QTMAN: variants seen among roughly 807,000 people sequenced by gnomAD.
QTMAN encodes the protein queuosine-tRNA mannosyltransferase.
At chr2:144,031,771 T>C in the QTMAN span, among the ~76,000 whole-genome samples, 1 of 152,174 alleles carries the variant, frequency 6.6e-6, no homozygotes, top group African/African-American at 2.4e-5. Flanking sequence ...TCTTCTTTTT[T>C]TCTTGAGACA....
At chr2:144,254,670 C>G in the QTMAN span, among the ~76,000 whole-genome samples, 1 of 152,086 alleles carries the variant, frequency 6.6e-6, no homozygotes, top group African/African-American at 2.4e-5. Context: ...AGACCCCACC[C>G]CAAAATGGGA....
chr2:144,237,633 T>A, the QTMAN span, among the ~76,000 whole-genome samples: 1 of 152,164 alleles, frequency 6.6e-6, no homozygotes. Context: ...CTTCCACAGA[T>A]AAATCCGATC....
At chr2:144,113,709 A>C in the QTMAN span, among the ~76,000 whole-genome samples, 1 of 152,254 alleles carries the variant, frequency 6.6e-6, no homozygotes, top group African/African-American at 2.4e-5. Flanking sequence ...AAGCAGGCAG[A>C]GACAAGATTT....
At chr2:144,186,316 T>C in the QTMAN span, among the ~76,000 whole-genome samples, 1 of 152,138 alleles carries the variant, frequency 6.6e-6, no homozygotes, top group African/African-American at 2.4e-5. Flanking sequence ...GAAACAGATA[T>C]AAAAATCAGG....
At chr2:144,133,265 A>T in the QTMAN span, among the ~76,000 whole-genome samples, 1 of 68,940 alleles carries the variant, frequency 1.5e-5, no homozygotes, top group African/African-American at 6.2e-5. Context: ...AAATATATAT[A>T]AATATATATT....
the QTMAN span, chr2:143,970,627 C>T: frequency 9.0e-7 from 1 of 1,109,808 alleles, no homozygotes; most frequent in Admixed American, 1.7e-5. Flanking sequence ...TATAAAAATA[C>T]ACATTAGAAA....
At chr2:144,046,246 G>GT in the QTMAN span, among the ~76,000 whole-genome samples, 1 of 152,212 alleles carries the variant, frequency 6.6e-6, no homozygotes, top group Non-Finnish European at 1.5e-5. Context: ...AAAAGGCCAC[G>GT]TTAATTTTAC....
the QTMAN span, among the ~76,000 whole-genome samples, chr2:144,214,326 A>T: frequency 1.3e-5 from 2 of 152,212 alleles, no homozygotes; most frequent in Non-Finnish European, 2.9e-5. Flanking sequence ...ACCTGAATAT[A>T]ACCTCTAAAA....
At chr2:144,313,744 CAT>C in the QTMAN span, among the ~76,000 whole-genome samples, 7 of 150,832 alleles carry the variant, frequency 4.6e-5, no homozygotes, top group Non-Finnish European at 8.9e-5. Context: ...TCAATAATTT[CAT>C]ATATACTTAA....
the QTMAN span, chr2:143,947,194 T>C: frequency 1.1e-5 from 14 of 1,234,476 alleles, no homozygotes; most frequent in Admixed American, 7.1e-5. Context: ...GACTAAAAGA[T>C]GAAAGTATGC....
chr2:144,205,986 T>C, the QTMAN span, among the ~76,000 whole-genome samples: 3 of 152,224 alleles, frequency 2.0e-5, no homozygotes, highest in African/African-American at 7.2e-5. Flanking sequence ...ATAATAAAAC[T>C]AAACAGCTCT....
the QTMAN span, among the ~76,000 whole-genome samples, chr2:144,248,606 A>G: frequency 6.6e-6 from 1 of 152,190 alleles, no homozygotes; most frequent in African/African-American, 2.4e-5. Flanking sequence ...CTGTTCTTGC[A>G]TCTGACTTAC....
the QTMAN span, among the ~76,000 whole-genome samples, chr2:143,987,924 T>C: frequency 6.6e-6 from 1 of 151,776 alleles, no homozygotes; most frequent in Non-Finnish European, 1.5e-5. Flanking sequence ...CTGGGAAAGG[T>C]GAGTTGGAGA....
chr2:144,297,572 T>G, the QTMAN span, among the ~76,000 whole-genome samples: 4 of 149,916 alleles, frequency 2.7e-5, no homozygotes, highest in African/African-American at 9.8e-5. Context: ...GGAGCAGGAT[T>G]CCGTCTTTTT....
At chr2:144,292,431 A>AT in the QTMAN span, among the ~76,000 whole-genome samples, 106 of 150,314 alleles carry the variant, frequency 7.1e-4, no homozygotes, top group Admixed American at 3.0e-3. Flanking sequence ...AACTAATACA[A>AT]TTTTTTTTTT....
At chr2:144,230,810 T>C in the QTMAN span, among the ~76,000 whole-genome samples, 2 of 152,112 alleles carry the variant, frequency 1.3e-5, no homozygotes, top group Admixed American at 6.6e-5. Context: ...AGTAAGATTG[T>C]TTTAATGGGA....
chr2:144,330,964 A>C, the QTMAN span, among the ~76,000 whole-genome samples: 3 of 152,344 alleles, frequency 2.0e-5, no homozygotes, highest in African/African-American at 7.2e-5. Context: ...ATCAAGACTA[A>C]AGAAGCCATC....
chr2:143,975,880 G>A, the QTMAN span, among the ~76,000 whole-genome samples: 2 of 152,138 alleles, frequency 1.3e-5, no homozygotes, highest in Non-Finnish European at 2.9e-5. Flanking sequence ...TGGGGTGGGG[G>A]AGTGTCTTCA....
At chr2:144,057,104 T>C in the QTMAN span, among the ~76,000 whole-genome samples, 2 of 152,208 alleles carry the variant, frequency 1.3e-5, 1 homozygote, top group South Asian at 4.1e-4. Flanking sequence ...ACAAATTATT[T>C]TGAAATATCA....
Sources: allele counts gnomAD v4.1 joint callset (sites outside exome capture counted in the v4.1 genomes callset), GRCh38; gene constraint gnomAD v4.1.1; transcripts MANE v1.5; gene names NCBI Gene and HGNC (gene_info 2026-07-23, HGNC 2026-07-21).